Variants in MLLT3 observed in about 807,000 individuals in gnomAD.
MLLT3 encodes the protein MLLT3 super elongation complex subunit, also known as protein AF-9.
A neutral mutation model predicts 53.2 loss-of-function variants in MLLT3; 4 were observed. That is an observed-to-expected ratio of 0.08 (90% CI 0.04 to 0.17). The LOEUF is 0.17. MLLT3 is among the 10% of genes least tolerant of loss of function. MLLT3 has a pLI of 1.00. For missense variants in MLLT3, 569 were observed against 684.0 expected (o/e 0.83, Z 1.87); for synonymous variants, 283 against 230.6 (o/e 1.23, Z -2.06).
intron 2 of MLLT3, among the ~76,000 whole-genome samples, chr9:20,535,791 A>T (rs1305354051): frequency 6.6e-6 from 1 of 152,200 alleles, no homozygotes; most frequent in African/African-American, 2.4e-5. Flanking sequence ...CCTCAATGAC[A>T]TCACTGCAAA....
At chr9:20,375,216 C>T (rs532054716) in intron 5 of MLLT3, among the ~76,000 whole-genome samples, 8 of 152,332 alleles carry the variant, frequency 5.3e-5, no homozygotes, top group Admixed American at 1.3e-4. Context: ...GATGATAAAA[C>T]TGAAGCACAC....
At position 20,421,295 on chromosome 9, in the gene MLLT3, C is replaced by A. The variant is rs183394404; in HGVS notation, c.421-6870G>T. On this transcript the variant is annotated intron_variant, in intron 4 of 10. Transcript: ENST00000380338. ...ATAAATAAAATAAATAAATTAAAGA[C>A]AAATAAATCAAAAGAAAACAATGAA... is the stretch of plus-strand genomic sequence containing the variant. 9.2e-5 allele frequency among the ~76,000 whole-genome samples: 14 copies of A among 151,738 alleles called. No individual in the cohort carries two copies. The East Asian group carries it at 2.5e-3, about 27-fold the overall frequency.
chr9:20,555,278 G>A (rs1364674694), intron 2 of MLLT3, among the ~76,000 whole-genome samples: 1 of 152,108 alleles, frequency 6.6e-6, no homozygotes, highest in East Asian at 1.9e-4. Flanking sequence ...AGTTTCCTCT[G>A]TAAGTATTAG....
chr9:20,535,114 C>T lies in MLLT3; in HGVS notation c.194-78328G>A, dbSNP rs560344341. 1.7e-4 allele frequency among the ~76,000 whole-genome samples: 26 copies of T among 152,216 alleles called. No individual in the cohort carries two copies. The South Asian group carries it at 4.8e-3, about 28-fold the overall frequency. On this transcript the variant is annotated intron_variant, in intron 2 of 10. Coordinates refer to ENST00000380338, the MANE Select transcript of MLLT3 (RefSeq NM_004529.4). ...GGTACGGGGCCACACGGCAGGTCAGCGGCAGGTGAGCTAGCGTTACCGCCT... is the reference window on the plus strand; with the variant it reads ...GGTACGGGGCCACACGGCAGGTCAGTGGCAGGTGAGCTAGCGTTACCGCCT...
At chr9:20,439,082 C>T (rs1008335042) in intron 4 of MLLT3, among the ~76,000 whole-genome samples, 6 of 152,192 alleles carry the variant, frequency 3.9e-5, no homozygotes, top group African/African-American at 9.6e-5. Context: ...AGGCCAGGTG[C>T]GGTGGCTCAC....
At position 20,413,922 on chromosome 9, in the gene MLLT3, T is replaced by G; in HGVS notation, c.924A>C (p.Lys308Asn). 1 of 1,613,478 alleles carries G rather than the reference T, an allele frequency of 6.2e-7. No homozygotes were observed. Among genetic ancestry groups the G allele is most frequent in the Non-Finnish European group, 8.5e-7 (1 of 1,179,892 alleles). The change falls in exon 5 of 11, where the codon AAA becomes AAC. Residue 308 changes from lysine to asparagine, a missense_variant. By Grantham distance (94) the Lys-to-Asn change is moderately conservative. Coordinates refer to ENST00000380338, the MANE Select transcript of MLLT3 (RefSeq NM_004529.4). ...RKKSSSEALF[K>N]SFSSAPPLIL... is the part of the protein sequence containing the mutation. Reference sequence around the variant, plus strand: ...TCAGTGGTGGTGCGCTAGAAAAACTTTTAAATAAAGCCTCTGAGCTACTCT... The same window carrying G: ...TCAGTGGTGGTGCGCTAGAAAAACTGTTAAATAAAGCCTCTGAGCTACTCT...
chr9:20,603,439 G>T (rs750210494), intron 2 of MLLT3, among the ~76,000 whole-genome samples: 2 of 151,910 alleles, frequency 1.3e-5, no homozygotes, highest in Non-Finnish European at 2.9e-5. Context: ...TTTTTCCTCT[G>T]AATTTTGTTA....
At chr9:20,364,070 A>C (rs575918051) in intron 6 of MLLT3, among the ~76,000 whole-genome samples, 1 of 152,320 alleles carries the variant, frequency 6.6e-6, no homozygotes, top group African/African-American at 2.4e-5. Context: ...ATTTCAGGTC[A>C]AGCAAGCATT....
At chr9:20,541,678 T>C (rs1818634460) in intron 2 of MLLT3, among the ~76,000 whole-genome samples, 1 of 152,154 alleles carries the variant, frequency 6.6e-6, no homozygotes, top group African/African-American at 2.4e-5. Flanking sequence ...CAATTTGACA[T>C]GAGATTTGGG....
intron 2 of MLLT3, among the ~76,000 whole-genome samples, chr9:20,512,769 C>A (rs967108898): frequency 1.3e-5 from 2 of 152,238 alleles, no homozygotes; most frequent in Admixed American, 1.3e-4. Context: ...ATCACCACAA[C>A]TGCTTCTAAC....
chr9:20,548,649 CT>C (rs1818849619), intron 2 of MLLT3, among the ~76,000 whole-genome samples: 1 of 152,170 alleles, frequency 6.6e-6, no homozygotes, highest in Admixed American at 6.5e-5. Flanking sequence ...AAGTCATCCC[CT>C]GTCCCAGGTG....
intron 2 of MLLT3, among the ~76,000 whole-genome samples, chr9:20,555,656 C>T (rs1819039967): frequency 6.6e-6 from 1 of 152,106 alleles, no homozygotes; most frequent in Admixed American, 6.5e-5. Flanking sequence ...TCCTAACTGC[C>T]TCTCACTTCC....
At chr9:20,463,401 G>A (rs1232391452) in intron 2 of MLLT3, among the ~76,000 whole-genome samples, 1 of 152,018 alleles carries the variant, frequency 6.6e-6, no homozygotes, top group Non-Finnish European at 1.5e-5. Flanking sequence ...TTCATCTTGA[G>A]GGAATATAAC....
intron 4 of MLLT3, among the ~76,000 whole-genome samples, chr9:20,427,463 G>T (rs1247172207): frequency 6.6e-6 from 1 of 151,864 alleles, no homozygotes; most frequent in Non-Finnish European, 1.5e-5. Flanking sequence ...AAGCTATTAA[G>T]ATACATGGAG....
In MLLT3 at chr9:20,621,532, C is replaced by A. The variant is rs1315836792; in HGVS notation, c.13-698G>T. Among the ~76,000 whole-genome samples the A allele has an allele frequency of 1.3e-5, 2 of 151,886 alleles. No homozygotes were observed. Among genetic ancestry groups the A allele is most frequent in the Non-Finnish European group, 2.9e-5 (2 of 67,896 alleles). ...GCACCCCCCAGCGAAAAGCCCCACG[C>A]GATCGGCGAGGCCAGTCGAACCGAG... On this transcript the variant is annotated intron_variant, in intron 1 of 10. Coordinates refer to ENST00000380338, the MANE Select transcript of MLLT3 (RefSeq NM_004529.4). The surrounding 1 kb of genome is among the most constrained non-coding windows in gnomAD (Gnocchi z 7.0).
intron 2 of MLLT3, among the ~76,000 whole-genome samples, chr9:20,591,496 C>A (rs536657219): frequency 7.4e-4 from 112 of 152,268 alleles, no homozygotes; most frequent in African/African-American, 2.5e-3. Context: ...TGTTAAAAAC[C>A]ATCTGTGAAT....
At chr9:20,617,494 T>C (rs73434593) in intron 2 of MLLT3, among the ~76,000 whole-genome samples, 7,210 of 152,206 alleles carry the variant, frequency 0.047, 575 homozygotes, top group African/African-American at 0.16. Flanking sequence ...CAAATTGCAA[T>C]AGTAAGGATG....
chr9:20,448,369 C>A lies in MLLT3; in HGVS notation c.277-103G>T. ...CATAAGAAATAGAAAAGAACTAAGA[C>A]ATCTAACAGCTAAACTGTCAAAGTA... On this transcript the variant is annotated intron_variant, in intron 3 of 10. Coordinates refer to ENST00000380338, the MANE Select transcript of MLLT3 (RefSeq NM_004529.4). This position sits in a 1 kb window ranked among gnomAD's most constrained non-coding sequence, Gnocchi z 4.0. 2.0e-6 allele frequency: 2 copies of A among 997,190 alleles called. No individual in the cohort carries two copies. The highest frequency in any genetic ancestry group is 2.9e-6 in the Non-Finnish European group (2 of 680,504). The allele number at this position is 997,190 out of a possible 1,614,324, so 61.8% of individuals were successfully genotyped here.
intron 2 of MLLT3, among the ~76,000 whole-genome samples, chr9:20,476,784 C>T (rs1824532095): frequency 6.6e-6 from 1 of 152,086 alleles, no homozygotes. Flanking sequence ...CTGACATTTT[C>T]ATTGAATTCT....
Sources: allele counts gnomAD v4.1 joint callset (sites outside exome capture counted in the v4.1 genomes callset), GRCh38; gene constraint gnomAD v4.1.1; non-coding constraint Gnocchi (gnomAD v3.1); transcripts MANE v1.5; gene names NCBI Gene and HGNC (gene_info 2026-07-23, HGNC 2026-07-21).